PTPRD: variants seen among roughly 807,000 people sequenced by gnomAD.
The protein encoded by PTPRD is protein tyrosine phosphatase receptor type D, also known as receptor-type tyrosine-protein phosphatase delta.
A neutral mutation model predicts 214.5 loss-of-function variants in PTPRD; 34 were observed. That is an observed-to-expected ratio of 0.16 (90% CI 0.12 to 0.21). The LOEUF (loss-of-function observed/expected upper bound fraction) is 0.21. PTPRD is among the 10% of genes least tolerant of loss of function. The pLI, the probability that PTPRD is intolerant of heterozygous loss-of-function variation, is 1.00. For synonymous variants in PTPRD, 1,128 were observed against 845.7 expected (o/e 1.33, Z -5.79); for missense variants, 2,545 against 2,398.7 (o/e 1.06, Z -1.27).
chr9:9,763,676 C>A (rs1390193429), intron 6 of PTPRD, among the ~76,000 whole-genome samples: 1 of 152,108 alleles, frequency 6.6e-6, no homozygotes, highest in African/African-American at 2.4e-5. Flanking sequence ...AAGGGTTCAG[C>A]TCCCCACTTT....
intron 11 of PTPRD, among the ~76,000 whole-genome samples, chr9:8,784,817 C>A (rs1407544474): frequency 6.6e-6 from 1 of 152,154 alleles, no homozygotes; most frequent in Non-Finnish European, 1.5e-5. Context: ...AGCAGAAACA[C>A]GCGTTTTTCT....
At chr9:9,879,341 C>G (rs1052415480) in intron 5 of PTPRD, among the ~76,000 whole-genome samples, 2 of 152,160 alleles carry the variant, frequency 1.3e-5, no homozygotes, top group Admixed American at 1.3e-4. Flanking sequence ...TATTACTTCA[C>G]TCCCACTTGT....
chr9:8,514,788 A>C (rs1233061172), intron 21 of PTPRD, among the ~76,000 whole-genome samples: 1 of 152,080 alleles, frequency 6.6e-6, no homozygotes, highest in Non-Finnish European at 1.5e-5. Context: ...CTGCGTCCCC[A>C]CCCAAATCTC....
intron 10 of PTPRD, among the ~76,000 whole-genome samples, chr9:9,117,055 C>G (rs1028548644): frequency 1.3e-5 from 2 of 151,918 alleles, no homozygotes; most frequent in Non-Finnish European, 2.9e-5. Flanking sequence ...TTACTCCTTC[C>G]CAAATATATT....
Position 8,584,452 on chromosome 9 carries a change from GAAA to G in PTPRD, c.352+48862_352+48864del, listed in dbSNP as rs72547113. 8.9e-5 allele frequency among the ~76,000 whole-genome samples: 13 copies of G among 145,366 alleles called. No individual in the cohort carries two copies. In the East Asian group the frequency reaches 2.6e-3, roughly 29 times the overall value. On this transcript the variant is annotated intron_variant, in intron 14 of 45. Coordinates refer to ENST00000381196, the MANE Select transcript of PTPRD (RefSeq NM_002839.4). ...TATTGGTACTAACTGATTAGTTACT[GAAA>G]AAAAAAAAAATTTACATTCTTCTCT...
At chr9:8,819,547 G>C (rs2096999897) in intron 11 of PTPRD, among the ~76,000 whole-genome samples, 2 of 152,054 alleles carry the variant, frequency 1.3e-5, no homozygotes, top group Admixed American at 1.3e-4. Flanking sequence ...TGTAGTCCCA[G>C]CTACTTGAGA....
intron 5 of PTPRD, among the ~76,000 whole-genome samples, chr9:9,827,924 C>T (rs2053513672): frequency 6.6e-6 from 1 of 152,112 alleles, no homozygotes; most frequent in Admixed American, 6.6e-5. Flanking sequence ...CACTGGCCAT[C>T]AGAGAAATGC....
At chr9:9,889,259 C>T (rs549176190) in intron 5 of PTPRD, among the ~76,000 whole-genome samples, 48 of 152,108 alleles carry the variant, frequency 3.2e-4, no homozygotes, top group African/African-American at 9.6e-4. Context: ...TGACAGTGGA[C>T]GTCAAGCATC....
At chr9:8,810,992 T>C (rs946257074) in intron 11 of PTPRD, among the ~76,000 whole-genome samples, 1 of 152,162 alleles carries the variant, frequency 6.6e-6, no homozygotes, top group Non-Finnish European at 1.5e-5. Context: ...TTCCTCGGTT[T>C]GGGAGAAAGC....
At chr9:10,005,255 G>T (rs993843375) in intron 4 of PTPRD, among the ~76,000 whole-genome samples, 7 of 152,088 alleles carry the variant, frequency 4.6e-5, no homozygotes, top group Non-Finnish European at 1.0e-4. Context: ...TAAAGTAAAA[G>T]AGACCTTAAA....
At chr9:8,416,466 A>T (rs544334231) in intron 35 of PTPRD, among the ~76,000 whole-genome samples, 3 of 152,308 alleles carry the variant, frequency 2.0e-5, no homozygotes, top group South Asian at 2.1e-4. Flanking sequence ...AGGAAGAGGG[A>T]AAAAAGAGAG....
chr9:8,948,140 T>C (rs2099077484), intron 11 of PTPRD, among the ~76,000 whole-genome samples: 1 of 150,556 alleles, frequency 6.6e-6, no homozygotes, highest in South Asian at 2.1e-4. Context: ...CTGCCTCAGT[T>C]TCCCGAGTAG....
intron 11 of PTPRD, among the ~76,000 whole-genome samples, chr9:8,922,710 G>A (rs1349507733): frequency 6.6e-6 from 1 of 151,838 alleles, no homozygotes; most frequent in African/African-American, 2.4e-5. Context: ...GCAGTGGCGC[G>A]ATCTCAGCTC....
At chr9:10,261,096 T>TGTGTGTATATATATAGAG (rs1564853235) in intron 3 of PTPRD, among the ~76,000 whole-genome samples, 9 of 146,164 alleles carry the variant, frequency 6.2e-5, no homozygotes, top group South Asian at 2.1e-4. Context: ...TATATATATA[T>TGTGTGTATATATATAGAG]AGAGAGAGAG....
chr9:8,355,305 CT>C, intron 39 of PTPRD, among the ~76,000 whole-genome samples: 1 of 152,288 alleles, frequency 6.6e-6, no homozygotes, highest in East Asian at 1.9e-4. Context: ...GCTTGCTGTA[CT>C]GCCTGCCAGA....
intron 9 of PTPRD, among the ~76,000 whole-genome samples, chr9:9,382,544 A>C (rs559021282): frequency 1.1e-4 from 17 of 152,236 alleles, no homozygotes; most frequent in Non-Finnish European, 1.8e-4. Context: ...CCCCAAAGAC[A>C]ACATTCAAAC....
chr9:10,087,968 T>G (rs1490318665), intron 3 of PTPRD, among the ~76,000 whole-genome samples: 1 of 151,916 alleles, frequency 6.6e-6, no homozygotes, highest in East Asian at 1.9e-4. Context: ...TTTCCCAAGA[T>G]GAAATCAAGC....
At chr9:10,111,111 A>T (rs976874787) in intron 3 of PTPRD, among the ~76,000 whole-genome samples, 1 of 152,160 alleles carries the variant, frequency 6.6e-6, no homozygotes, top group East Asian at 1.9e-4. Flanking sequence ...AAAGGGGAGA[A>T]TACAATGCTT....
chr9:9,240,993 G>T (rs1323443613), intron 9 of PTPRD, among the ~76,000 whole-genome samples: 1 of 152,016 alleles, frequency 6.6e-6, no homozygotes, highest in Non-Finnish European at 1.5e-5. Context: ...AAATGTACAG[G>T]TTTCTGATAA....
Sources: gnomAD v4.1 joint callset for allele counts (sites outside exome capture counted in the v4.1 genomes callset) on GRCh38, gnomAD v4.1.1 for gene constraint, MANE v1.5 for transcripts, NCBI Gene and HGNC (gene_info 2026-07-23, HGNC 2026-07-21) for gene names.